FER1L6: variants seen among roughly 807,000 people sequenced by gnomAD.
FER1L6 encodes fer-1 like family member 6.
Under a neutral mutation model 219.2 loss-of-function variants are expected in FER1L6, and 177 were observed. The ratio of observed to expected loss-of-function variants is 0.81; its 90% CI spans 0.71 to 0.91. The LOEUF is 0.91. Ranked by LOEUF, FER1L6 falls within the 40% of genes least tolerant of loss-of-function variation. The pLI, the probability that FER1L6 is intolerant of heterozygous loss-of-function variation, is 0.00. For missense variants in FER1L6, 2,153 were observed against 2,259.9 expected, an observed-to-expected ratio of 0.95 and a Z score of 0.96; for synonymous variants, 768 against 824.3, an observed-to-expected ratio of 0.93 and a Z score of 1.17.
intron 21 of FER1L6, among the ~76,000 whole-genome samples, chr8:124,047,046 A>G (rs1819770476): frequency 6.6e-6 from 1 of 152,246 alleles, no homozygotes; most frequent in African/African-American, 2.4e-5. Flanking sequence ...AGGGAAGACC[A>G]CAAAATCATT....
intron 13 of FER1L6, among the ~76,000 whole-genome samples, chr8:124,005,702 A>G (rs1320901555): frequency 6.6e-6 from 1 of 152,224 alleles, no homozygotes; most frequent in African/African-American, 2.4e-5. Flanking sequence ...GTGTTTTTGA[A>G]TAAGTTAAGG....
rs1469148600 is a variant in FER1L6, at chr8:123,966,266, A to G, written c.360A>G (p.Gly120=). The G allele has an allele frequency of 1.2e-6, 2 of 1,614,000 alleles. No individual in the cohort carries two copies. The highest frequency in any genetic ancestry group is 2.7e-5 in the African/African-American group (2 of 74,912). ...AGAAGCAAAGCACAGTGAAGGAAGGAACCAACAGCCCATTTTATAATGAAG... is the reference window on the plus strand; with the variant it reads ...AGAAGCAAAGCACAGTGAAGGAAGGGACCAACAGCCCATTTTATAATGAAG... ...DEKKQSTVKE[G]TNSPFYNEYF... is the part of the protein sequence containing the mutation. Residue 120 remains glycine, a synonymous_variant, in exon 5 of 41, where the codon GGA becomes GGG. Coordinates refer to ENST00000522917, the MANE Select transcript of FER1L6 (RefSeq NM_001039112.2).
intron 14 of FER1L6, among the ~76,000 whole-genome samples, chr8:124,011,594 C>T (rs1817925534): frequency 6.6e-6 from 1 of 151,900 alleles, no homozygotes; most frequent in South Asian, 2.1e-4. Flanking sequence ...ACCCTCCCAC[C>T]TCAGCATCCC....
Position 123,911,173 on chromosome 8 carries a change from C to T in FER1L6, c.-7-44819C>T, listed in dbSNP as rs556724535. On this transcript the variant is annotated intron_variant, in intron 1 of 40. Transcript: ENST00000522917. Reference sequence around the variant, plus strand: ...TTCTAGAGTTGGAAATGAAAAGATTCAAGACAAAAAAATGGAAAAGGAATA... The same window carrying T: ...TTCTAGAGTTGGAAATGAAAAGATTTAAGACAAAAAAATGGAAAAGGAATA... Among the ~76,000 whole-genome samples the T allele has an allele frequency of 2.6e-5, 4 of 151,760 alleles. No individual in the cohort carries two copies. The South Asian group carries it at 8.3e-4, about 31-fold the overall frequency.
intron 22 of FER1L6, among the ~76,000 whole-genome samples, chr8:124,054,254 G>A (rs1474634917): frequency 2.0e-5 from 3 of 152,076 alleles, no homozygotes; most frequent in African/African-American, 7.2e-5. Flanking sequence ...ATCTTCAGTG[G>A]CTCTTACTTC....
At chr8:124,054,523 GAAATCT>G (rs1421588261) in intron 22 of FER1L6, among the ~76,000 whole-genome samples, 1 of 152,124 alleles carries the variant, frequency 6.6e-6, no homozygotes, top group Non-Finnish European at 1.5e-5. Context: ...CCCTGAAGAG[GAAATCT>G]GCCCCATAGG....
In FER1L6 at chr8:124,045,747, T is replaced by G. The variant is rs1490913817; in HGVS notation, c.2590-20T>G. ...ACTCAATTGAATGATCTTTTGCTTT[T>G]CTTTGGTCCCTGCTTCCAGATAATC... On this transcript the variant is annotated intron_variant, in intron 20 of 40. Coordinates refer to ENST00000522917, the MANE Select transcript of FER1L6 (RefSeq NM_001039112.2). The G allele has an allele frequency of 6.2e-7, 1 of 1,613,688 alleles. No homozygotes were observed. Among genetic ancestry groups the G allele is most frequent in the Non-Finnish European group, 8.5e-7 (1 of 1,179,890 alleles).
chr8:123,866,579 A>C (rs1034363769), intron 1 of FER1L6, among the ~76,000 whole-genome samples: 2 of 152,126 alleles, frequency 1.3e-5, no homozygotes, highest in African/African-American at 4.8e-5. Flanking sequence ...TACTTCCTGA[A>C]ATGTCTGTGC....
intron 5 of FER1L6, among the ~76,000 whole-genome samples, chr8:123,967,759 C>A (rs542190014): frequency 1.3e-5 from 2 of 152,222 alleles, no homozygotes; most frequent in South Asian, 2.1e-4. Context: ...AGTTTGAGAC[C>A]AGCCTGACCA....
intron 1 of FER1L6, among the ~76,000 whole-genome samples, chr8:123,896,478 A>G (rs967783288): frequency 5.3e-5 from 8 of 152,212 alleles, no homozygotes; most frequent in Admixed American, 5.2e-4. Context: ...GGACTCTTGC[A>G]AGGAACCAGC....
At chr8:123,936,349 C>A (rs1289288242) in intron 1 of FER1L6, among the ~76,000 whole-genome samples, 2 of 151,694 alleles carry the variant, frequency 1.3e-5, no homozygotes, top group Non-Finnish European at 2.9e-5. Context: ...TGGTGTCCTA[C>A]TTTTTTACCT....
intron 12 of FER1L6, among the ~76,000 whole-genome samples, chr8:123,992,957 C>T (rs948133544): frequency 6.6e-6 from 1 of 152,092 alleles, no homozygotes; most frequent in African/African-American, 2.4e-5. Context: ...CATTGTTAAA[C>T]CAAAAATCAT....
intron 7 of FER1L6, 73 bp from the exon 8 acceptor site, chr8:123,975,076 GC>G: frequency 7.2e-7 from 1 of 1,379,888 alleles, no homozygotes; most frequent in Non-Finnish European, 9.6e-7. Flanking sequence ...GGAGGCCTTG[GC>G]GTGTGGGAGA....
chr8:123,937,511 G>A (rs116515770), intron 1 of FER1L6, among the ~76,000 whole-genome samples: 93 of 152,216 alleles, frequency 6.1e-4, no homozygotes, highest in African/African-American at 2.0e-3. Context: ...GGGATGAGCC[G>A]AGACCACCTA....
chr8:124,081,270 T>G (rs1388622359), intron 32 of FER1L6, among the ~76,000 whole-genome samples: 1 of 152,228 alleles, frequency 6.6e-6, no homozygotes, highest in Non-Finnish European at 1.5e-5. Flanking sequence ...CATTTCCCTA[T>G]AACGCAGTTA....
chr8:123,897,779 A>G (rs1032345749), intron 1 of FER1L6, among the ~76,000 whole-genome samples: 9 of 152,224 alleles, frequency 5.9e-5, no homozygotes, highest in African/African-American at 2.2e-4. Flanking sequence ...TACTGATATA[A>G]TTAGGATTTT....
intron 17 of FER1L6, 102 bp from the exon 18 acceptor site, chr8:124,023,342 G>A: frequency 8.7e-7 from 1 of 1,150,858 alleles, no homozygotes; most frequent in Non-Finnish European, 1.2e-6. Context: ...TTTTGTCGAA[G>A]AGGGAATATT....
intron 1 of FER1L6, among the ~76,000 whole-genome samples, chr8:123,887,467 A>G (rs2129684953): frequency 6.6e-6 from 1 of 152,274 alleles, no homozygotes; most frequent in South Asian, 2.1e-4. Flanking sequence ...GCCCCACCAC[A>G]GCTGGCCCCA....
At chr8:124,021,500 T>A in intron 16 of FER1L6, 50 bp from the exon 17 acceptor site, 1 of 1,604,218 alleles carries the variant, frequency 6.2e-7, no homozygotes, top group Non-Finnish European at 8.5e-7. Flanking sequence ...GGACGCTGCT[T>A]GTTGTCCAGA....
Sources: allele counts gnomAD v4.1 joint callset (sites outside exome capture counted in the v4.1 genomes callset), GRCh38; gene constraint gnomAD v4.1.1; transcripts MANE v1.5; gene names NCBI Gene and HGNC (gene_info 2026-07-23, HGNC 2026-07-21).